DOCK9: variants seen among roughly 807,000 people sequenced by gnomAD.
The protein encoded by DOCK9 is dedicator of cytokinesis protein 9.
A neutral mutation model predicts 263.3 loss-of-function variants in DOCK9; 89 were observed. That is an observed-to-expected ratio of 0.34 (90% CI 0.28 to 0.40). The LOEUF (loss-of-function observed/expected upper bound fraction) is 0.40. Among genes scored for constraint, DOCK9 ranks in the 10% least tolerant of loss-of-function variants. The pLI is 1.00. For missense variants in DOCK9, 2,140 were observed against 2,603.4 expected, an observed-to-expected ratio of 0.82 and a Z score of 3.87; for synonymous variants, 976 against 973.1, an observed-to-expected ratio of 1.00 and a Z score of -0.06.
intron 1 of DOCK9, among the ~76,000 whole-genome samples, chr13:98,993,607 T>C (rs1880319403): frequency 1.3e-5 from 2 of 152,132 alleles, no homozygotes; most frequent in Non-Finnish European, 2.9e-5. Context: ...ATACTTCCAC[T>C]AGGTGGTGGC....
chr13:98,994,846 T>G (rs984237216), intron 1 of DOCK9, among the ~76,000 whole-genome samples: 1 of 152,220 alleles, frequency 6.6e-6, no homozygotes, highest in African/African-American at 2.4e-5. Context: ...TGGTAACCAA[T>G]TCTTTGTGTC....
rs146720378 is a variant in DOCK9 at position 98,965,177 on chromosome 13, G to A, written c.127-9626C>T. On this transcript the variant is annotated intron_variant, in intron 1 of 52. Transcript: ENST00000682017. ...CTCAGGAAGGCCACAAACAGGAGGA[G>A]GGGTGGAGAGACACACAGGAAGGTC... is the stretch of plus-strand genomic sequence containing the variant. Among the ~76,000 whole-genome samples the A allele has an allele frequency of 2.6e-3, 391 of 152,216 alleles. 2 individuals are homozygous for A. The highest frequency in any genetic ancestry group is 9.1e-3 in the African/African-American group (377 of 41,532).
At chr13:99,024,333 C>A (rs1377280146) in intron 1 of DOCK9, among the ~76,000 whole-genome samples, 1 of 152,150 alleles carries the variant, frequency 6.6e-6, no homozygotes, top group African/African-American at 2.4e-5. Flanking sequence ...ACTCAAGGAC[C>A]TCTTCTTGGC....
intron 18 of DOCK9, among the ~76,000 whole-genome samples, 193 bp from the exon 19 acceptor site, chr13:98,886,817 G>C (rs2045773860): frequency 6.6e-6 from 1 of 152,124 alleles, no homozygotes; most frequent in Non-Finnish European, 1.5e-5. Flanking sequence ...CCATCTGCCT[G>C]CTCCCCTTCC....
chr13:98,999,177 A>AT (rs1226234469), intron 1 of DOCK9, among the ~76,000 whole-genome samples: 1 of 152,136 alleles, frequency 6.6e-6, no homozygotes, highest in Admixed American at 6.5e-5. Flanking sequence ...AGTTCCTTGA[A>AT]TAGTCTTTCC....
At chr13:98,973,460 C>T (rs1447611433) in intron 1 of DOCK9, among the ~76,000 whole-genome samples, 3 of 152,216 alleles carry the variant, frequency 2.0e-5, no homozygotes, top group African/African-American at 7.2e-5. Context: ...ATCAAGTACT[C>T]GCACTGCCTT....
Position 98,896,474 on chromosome 13 carries a change from C to T in DOCK9, c.1709+1014G>A, listed in dbSNP as rs1166894900. On this transcript the variant is annotated intron_variant, in intron 15 of 52. Transcript: ENST00000682017. ...AGTTCTAGACAAACTGATAAGATTG[C>T]TATTTTGATATGCACAAAAAAAAAA... is the stretch of plus-strand genomic sequence containing the variant. Among the ~76,000 whole-genome samples the T allele has an allele frequency of 4.8e-5, 7 of 146,636 alleles. No homozygotes were observed. In the South Asian group the frequency reaches 1.3e-3, roughly 27 times the overall value.
intron 27 of DOCK9, among the ~76,000 whole-genome samples, chr13:98,871,540 T>C (rs1259392423): frequency 6.6e-6 from 1 of 152,228 alleles, no homozygotes; most frequent in African/African-American, 2.4e-5. Context: ...ATCATACACA[T>C]TTCAAGGTAA....
At chr13:99,029,466 A>T (rs1343371918) in intron 1 of DOCK9, among the ~76,000 whole-genome samples, 1 of 152,214 alleles carries the variant, frequency 6.6e-6, no homozygotes, top group Non-Finnish European at 1.5e-5. Context: ...TAAGTGGAAT[A>T]ACTTTTGTTT....
At chr13:98,870,397 ACT>A (rs1168127307) in intron 27 of DOCK9, among the ~76,000 whole-genome samples, 4 of 152,044 alleles carry the variant, frequency 2.6e-5, no homozygotes, top group Non-Finnish European at 5.9e-5. Flanking sequence ...GCCACCAATA[ACT>A]CTATATCCTG....
intron 50 of DOCK9, 52 bp downstream of exon 50, chr13:98,800,236 C>G: frequency 6.6e-7 from 1 of 1,512,302 alleles, no homozygotes; most frequent in Non-Finnish European, 8.9e-7. Flanking sequence ...CTCAAGTCAC[C>G]CAGGGGCAAG....
chr13:99,078,243 T>A (rs566531599), intron 1 of DOCK9, among the ~76,000 whole-genome samples: 1 of 152,038 alleles, frequency 6.6e-6, no homozygotes, highest in Non-Finnish European at 1.5e-5. Flanking sequence ...GAGATAAAAC[T>A]GTGGAAATTG....
At position 98,837,484 on chromosome 13, in the gene DOCK9, T is replaced by C; in HGVS notation, c.4314+10A>G. The stretch of plus-strand genomic sequence containing the variant: ...AAAACTAGAACCACGAACAGCAAAT[T>C]GATACAAACCTTAAACGCCAATGTA... On this transcript the variant is annotated intron_variant, in intron 39 of 52. Coordinates refer to ENST00000682017, the MANE Select transcript of DOCK9 (RefSeq NM_001366683.2). 6.3e-7 allele frequency: 1 copy of C among 1,595,322 alleles called. No individual in the cohort carries two copies. The highest frequency in any genetic ancestry group is 8.6e-7 in the Non-Finnish European group (1 of 1,163,738).
chr13:99,071,014 C>T (rs1367022919), intron 1 of DOCK9, among the ~76,000 whole-genome samples: 1 of 152,164 alleles, frequency 6.6e-6, no homozygotes, highest in Non-Finnish European at 1.5e-5. Context: ...GGAGCTAGAG[C>T]TACCAACCCC....
chr13:99,035,618 C>T (rs1202579221), intron 1 of DOCK9, among the ~76,000 whole-genome samples: 1 of 152,184 alleles, frequency 6.6e-6, no homozygotes, highest in African/African-American at 2.4e-5. Context: ...GAGCCTGGGA[C>T]CCCAAAATGG....
At chr13:99,030,743 T>A (rs1205362776) in intron 1 of DOCK9, among the ~76,000 whole-genome samples, 1 of 152,120 alleles carries the variant, frequency 6.6e-6, no homozygotes, top group East Asian at 1.9e-4. Flanking sequence ...ACCAAATACA[T>A]CATGTACATC....
intron 27 of DOCK9, among the ~76,000 whole-genome samples, chr13:98,870,748 CA>C (rs1284625733): frequency 6.6e-6 from 1 of 152,076 alleles, no homozygotes; most frequent in East Asian, 1.9e-4. Flanking sequence ...AAACCTGAAT[CA>C]AATTAAGTCT....
At chr13:98,813,278 T>A (rs188371002) in intron 45 of DOCK9, among the ~76,000 whole-genome samples, 3 of 152,350 alleles carry the variant, frequency 2.0e-5, no homozygotes, top group African/African-American at 7.2e-5. Context: ...AAAGCAGGTA[T>A]TATGGTCTTG....
At chr13:99,011,385 T>G (rs552634897) in intron 1 of DOCK9, among the ~76,000 whole-genome samples, 17 of 152,204 alleles carry the variant, frequency 1.1e-4, no homozygotes, top group Non-Finnish European at 2.5e-4. Flanking sequence ...GCCTAGAACC[T>G]GCTAGAATTT....
Sources: allele counts gnomAD v4.1 joint callset (sites outside exome capture counted in the v4.1 genomes callset), GRCh38; gene constraint gnomAD v4.1.1; transcripts MANE v1.5; gene names NCBI Gene and HGNC (gene_info 2026-07-23, HGNC 2026-07-21).